PIK3CB: variants seen among roughly 807,000 people sequenced by gnomAD.
PIK3CB encodes phosphatidylinositol 4,5-bisphosphate 3-kinase catalytic subunit beta isoform.
A neutral mutation model predicts 136.8 loss-of-function variants in PIK3CB; 39 were observed. The ratio of observed to expected loss-of-function variants is 0.29; its 90% confidence interval spans 0.22 to 0.37. The LOEUF (loss-of-function observed/expected upper bound fraction) is 0.37, where lower values mean the gene tolerates loss of function less well. PIK3CB is among the 10% of genes least tolerant of loss of function. The pLI, the probability that PIK3CB is intolerant of heterozygous loss-of-function variation, is 1.00. For missense variants in PIK3CB, 868 were observed against 1,275.4 expected (o/e 0.68, Z 4.87); for synonymous variants, 428 against 436.6 (o/e 0.98, Z 0.25).
chr3:138,656,098 C>T (rs1343229653), intron 23 of PIK3CB, 44 bp downstream of exon 23: 6 of 1,603,554 alleles, frequency 3.7e-6, no homozygotes, highest in Non-Finnish European at 5.1e-6. Flanking sequence ...AAACTGAGCT[C>T]AATGCCCACA....
intron 7 of PIK3CB, among the ~76,000 whole-genome samples, chr3:138,733,957 C>T (rs1357303820): frequency 2.6e-5 from 4 of 152,128 alleles, no homozygotes; most frequent in Admixed American, 1.3e-4. Flanking sequence ...CAGCATTCCA[C>T]TAATGCTAAG....
chr3:138,785,048 G>A (rs2045962297), intron 2 of PIK3CB, among the ~76,000 whole-genome samples: 2 of 151,986 alleles, frequency 1.3e-5, no homozygotes, highest in African/African-American at 4.8e-5. Context: ...CAGCCGCCCC[G>A]TCTGGGAAGT....
chr3:138,656,264 A>G lies in PIK3CB; in HGVS notation c.2953T>C (p.Cys985Arg), dbSNP rs1406101857. Reference protein sequence around the residue: ...NTEKFGRFRQCCEDAYLILRR... With the variant: ...NTEKFGRFRQRCEDAYLILRR... ...AAAATCAGATATGCATCCTCACAACACTGGCGGAACCTTTGGGTGATGCAG... is the reference window on the plus strand; with the variant it reads ...AAAATCAGATATGCATCCTCACAACGCTGGCGGAACCTTTGGGTGATGCAG... The change falls in exon 23 of 24, where the codon TGT (cysteine) becomes CGT (arginine). Residue 985 changes from cysteine (C) to arginine (R), a missense_variant. By Grantham distance (180) the Cys-to-Arg change is radical. Around this residue, in one of 4 missense-constraint regions of PIK3CB, gnomAD observed 88 missense variants for 147.8 expected, o/e 0.60. Coordinates refer to ENST00000674063, the MANE Select transcript of PIK3CB (RefSeq NM_006219.3). 6.8e-6 allele frequency: 11 copies of G among 1,614,016 alleles called. No homozygotes were observed. The highest frequency in any genetic ancestry group is 1.7e-5 in the Admixed American group (1 of 59,990).
chr3:138,822,818 T>TATGAAATATATATACAAAATATATATAC (rs1559892310), intron 1 of PIK3CB, among the ~76,000 whole-genome samples: 2 of 146,794 alleles, frequency 1.4e-5, no homozygotes, highest in African/African-American at 2.5e-5. Context: ...AATATATATA[T>TATGAAATATATATACAAAATATATATAC]ATGAAATATA....
chr3:138,816,714 C>T (rs1933350166), intron 1 of PIK3CB, among the ~76,000 whole-genome samples: 2 of 152,096 alleles, frequency 1.3e-5, no homozygotes, highest in African/African-American at 2.4e-5. Context: ...TGAGCCTACC[C>T]TCACTGTGAG....
intron 1 of PIK3CB, among the ~76,000 whole-genome samples, chr3:138,798,425 A>C (rs1314934528): frequency 6.6e-6 from 1 of 152,154 alleles, no homozygotes; most frequent in Admixed American, 6.5e-5. Context: ...AGCCTCCCAA[A>C]GTGCTGGGAT....
At position 138,683,975 on chromosome 3, in the gene PIK3CB, A is replaced by C. The variant is rs370244192; in HGVS notation, c.2316-188T>G. Reference sequence around the variant, plus strand: ...AGGACAGCCTTGGGTGGCATATACTAATGCCAGATAGGCTGGACTCAAAAC... The same window carrying C: ...AGGACAGCCTTGGGTGGCATATACTCATGCCAGATAGGCTGGACTCAAAAC... On this transcript the variant is annotated intron_variant, in intron 17 of 23. Transcript: ENST00000674063. Among the ~76,000 whole-genome samples the C allele has an allele frequency of 5.1e-4, 77 of 152,370 alleles. 2 individuals are homozygous for C. In the South Asian group the frequency reaches 0.01, roughly 20 times the overall value.
At chr3:138,694,708 A>T in intron 14 of PIK3CB, 78 bp downstream of exon 14, 1 of 1,421,712 alleles carries the variant, frequency 7.0e-7, no homozygotes, top group Non-Finnish European at 9.6e-7. Flanking sequence ...CTTTCTTATG[A>T]GACATCAAGG....
At chr3:138,732,761 A>C (rs911751701) in intron 8 of PIK3CB, among the ~76,000 whole-genome samples, 1 of 150,700 alleles carries the variant, frequency 6.6e-6, no homozygotes, top group Non-Finnish European at 1.5e-5. Context: ...GGTTCAGTGC[A>C]GCTCTAGGCA....
chr3:138,687,132 C>T (rs914835062), intron 16 of PIK3CB, among the ~76,000 whole-genome samples: 1 of 151,744 alleles, frequency 6.6e-6, no homozygotes, highest in Non-Finnish European at 1.5e-5. Context: ...AAGTCTAATA[C>T]TTTAAGTGTT....
intron 17 of PIK3CB, 56 bp downstream of exon 17, chr3:138,684,569 G>A (rs956214676): frequency 1.5e-6 from 2 of 1,331,502 alleles, no homozygotes; most frequent in Non-Finnish European, 2.1e-6. Flanking sequence ...CCATAAGGCA[G>A]TGACTTTCTG....
intron 8 of PIK3CB, among the ~76,000 whole-genome samples, chr3:138,728,724 G>C (rs2044898508): frequency 6.6e-6 from 1 of 151,516 alleles, no homozygotes; most frequent in Non-Finnish European, 1.5e-5. Context: ...AGCTTGCAGT[G>C]AGCCGAGATT....
At chr3:138,783,112 A>C (rs1280623269) in intron 2 of PIK3CB, among the ~76,000 whole-genome samples, 1 of 152,206 alleles carries the variant, frequency 6.6e-6, no homozygotes, top group Non-Finnish European at 1.5e-5. Flanking sequence ...AACAACTTTT[A>C]TCCTTGTTCA....
chr3:138,731,217 AC>A (rs2044965202), intron 8 of PIK3CB, among the ~76,000 whole-genome samples: 1 of 152,032 alleles, frequency 6.6e-6, no homozygotes, highest in African/African-American at 2.4e-5. Context: ...AGAGACCAGT[AC>A]CTTTTTTCTT....
chr3:138,754,449 AC>A (rs1329160876), intron 4 of PIK3CB, among the ~76,000 whole-genome samples: 1 of 152,218 alleles, frequency 6.6e-6, no homozygotes, highest in African/African-American at 2.4e-5. Flanking sequence ...CACCAAAAAA[AC>A]AAAAACAGAA....
At chr3:138,811,431 CCTT>C (rs1209518259) in intron 1 of PIK3CB, among the ~76,000 whole-genome samples, 41 of 149,534 alleles carry the variant, frequency 2.7e-4, no homozygotes, top group Admixed American at 2.4e-3. Context: ...AAGAAAATTA[CCTT>C]TTTTTTTTTT....
intron 19 of PIK3CB, among the ~76,000 whole-genome samples, chr3:138,666,930 G>T (rs140227139): frequency 6.6e-6 from 1 of 152,128 alleles, no homozygotes; most frequent in Non-Finnish European, 1.5e-5. Flanking sequence ...GGCCGGGTGC[G>T]GTGGCTCACA....
chr3:138,655,614 G>T (rs1326585094), intron 23 of PIK3CB, 88 bp from the exon 24 acceptor site: 4 of 963,702 alleles, frequency 4.2e-6, no homozygotes, highest in African/African-American at 3.2e-5. Context: ...GATTGGTTGT[G>T]CCTCCCCAGC....
chr3:138,683,482 T>A (rs1332927440), intron 18 of PIK3CB, among the ~76,000 whole-genome samples, 196 bp downstream of exon 18: 1 of 152,014 alleles, frequency 6.6e-6, no homozygotes, highest in African/African-American at 2.4e-5. Context: ...TTTAAGTGAA[T>A]GGTATAAATC....
Sources: gnomAD v4.1 joint callset for allele counts (sites outside exome capture counted in the v4.1 genomes callset) on GRCh38, gnomAD v4.1.1 for gene constraint, gnomAD v4.1.1 regional missense constraint, MANE v1.5 for transcripts, NCBI Gene and HGNC (gene_info 2026-07-23, HGNC 2026-07-21) for gene names.